LOC400499: variants seen among roughly 807,000 people sequenced by gnomAD.
chr16:11,478,584 A>G, the LOC400499 span: 1 of 398,600 alleles, frequency 2.5e-6, no homozygotes, highest in Admixed American at 4.4e-5. Context: ...GGTTCACGTG[A>G]CTCCCCGTGG....
the LOC400499 span, among the ~76,000 whole-genome samples, chr16:11,427,787 G>A: frequency 6.6e-6 from 1 of 152,124 alleles, no homozygotes; most frequent in African/African-American, 2.4e-5. Context: ...TATATCAGAG[G>A]AACGAAGAAA....
chr16:11,503,762 G>A, the LOC400499 span, among the ~76,000 whole-genome samples: 1 of 152,224 alleles, frequency 6.6e-6, no homozygotes, highest in Non-Finnish European at 1.5e-5. Flanking sequence ...CAGAGCCAGT[G>A]GCAACCCTCA....
At chr16:11,383,723 G>C in the LOC400499 span, 2 of 1,232,464 alleles carry the variant, frequency 1.6e-6, no homozygotes, top group Non-Finnish European at 2.0e-6. Flanking sequence ...CAGGCAGGCT[G>C]GAGCTCCTGG....
the LOC400499 span, among the ~76,000 whole-genome samples, chr16:11,525,828 C>G: frequency 8.2e-3 from 1,249 of 152,260 alleles, 18 homozygotes; most frequent in African/African-American, 0.027. Flanking sequence ...TTTTAAATTT[C>G]AGAAAAATGA....
the LOC400499 span, among the ~76,000 whole-genome samples, chr16:11,403,456 T>C: frequency 6.7e-6 from 1 of 149,472 alleles, no homozygotes; most frequent in Non-Finnish European, 1.5e-5. Context: ...TACACACACA[T>C]GCACACATAC....
chr16:11,514,840 T>G, the LOC400499 span, among the ~76,000 whole-genome samples: 17 of 152,320 alleles, frequency 1.1e-4, no homozygotes, highest in Middle Eastern at 3.4e-3. Context: ...AGCGTCAGTA[T>G]GAAAACATTT....
chr16:11,446,983 CGGTCT>C, the LOC400499 span: 1 of 1,457,644 alleles, frequency 6.9e-7, no homozygotes, highest in Non-Finnish European at 9.1e-7. Context: ...TTGTGCCCCA[CGGTCT>C]CAGCCTGGGC....
At chr16:11,447,934 C>A in the LOC400499 span, 2 of 1,535,016 alleles carry the variant, frequency 1.3e-6, no homozygotes, top group South Asian at 2.4e-5. Flanking sequence ...GCGCACATAC[C>A]TAAGGAGCAA....
chr16:11,474,051 G>T, the LOC400499 span, among the ~76,000 whole-genome samples: 7 of 152,186 alleles, frequency 4.6e-5, no homozygotes, highest in Non-Finnish European at 8.8e-5. Context: ...TAGAGACAAG[G>T]TCTCACTATG....
chr16:11,500,795 G>C, the LOC400499 span: 2 of 399,064 alleles, frequency 5.0e-6, no homozygotes, highest in Non-Finnish European at 8.8e-6. Flanking sequence ...GTGGGGTGCA[G>C]GGACTCACCA....
the LOC400499 span, chr16:11,476,810 C>T: frequency 2.5e-6 from 1 of 399,274 alleles, no homozygotes; most frequent in Non-Finnish European, 4.4e-6. Context: ...TTCAGATGCA[C>T]CTTAAGGACC....
chr16:11,384,806 C>T, the LOC400499 span: 2 of 1,186,334 alleles, frequency 1.7e-6, no homozygotes, highest in Non-Finnish European at 2.1e-6. Context: ...ACGGTAGCCC[C>T]CTGCCGCCCT....
At chr16:11,431,234 G>T in the LOC400499 span, 1 of 399,080 alleles carries the variant, frequency 2.5e-6, no homozygotes, top group East Asian at 3.6e-5. Flanking sequence ...CAAATCCTAG[G>T]CAGCGAAGTA....
At chr16:11,524,023 CA>C in the LOC400499 span, among the ~76,000 whole-genome samples, 1 of 104,410 alleles carries the variant, frequency 9.6e-6, no homozygotes, top group African/African-American at 3.9e-5. Context: ...CACCCACCCC[CA>C]ACCCCCCTCC....
the LOC400499 span, among the ~76,000 whole-genome samples, chr16:11,481,483 TG>T: frequency 3.7e-3 from 566 of 152,042 alleles, 1 homozygote; most frequent in Non-Finnish European, 5.4e-3. Context: ...CCACCACACC[TG>T]GCTAATTTTT....
At chr16:11,442,339 G>C in the LOC400499 span, 1 of 152,320 alleles carries the variant, frequency 6.6e-6, no homozygotes, top group Non-Finnish European at 1.5e-5. Context: ...TCCTGCCTCA[G>C]CCTCCTGAGT....
At chr16:11,413,424 G>T in the LOC400499 span, among the ~76,000 whole-genome samples, 1 of 152,146 alleles carries the variant, frequency 6.6e-6, no homozygotes, top group South Asian at 2.1e-4. Context: ...TCTGAAACAG[G>T]AGGGTGTGAA....
chr16:11,387,681 G>A, the LOC400499 span, among the ~76,000 whole-genome samples: 3 of 152,108 alleles, frequency 2.0e-5, no homozygotes, highest in South Asian at 2.1e-4. Flanking sequence ...AGGCTGGAGT[G>A]TAGTGGCACA....
chr16:11,466,232 G>C, the LOC400499 span, among the ~76,000 whole-genome samples: 10 of 152,164 alleles, frequency 6.6e-5, no homozygotes, highest in African/African-American at 9.7e-5. Flanking sequence ...CTTTCAGGAG[G>C]GGTGGGAGAG....
Sources: allele counts gnomAD v4.1 joint callset (sites outside exome capture counted in the v4.1 genomes callset), GRCh38; gene constraint gnomAD v4.1.1; transcripts MANE v1.5.